LRRC4C: variants seen among roughly 807,000 people sequenced by gnomAD.
LRRC4C encodes leucine rich repeat containing 4C.
A neutral mutation model predicts 33.6 loss-of-function variants in LRRC4C; 5 were observed. The observed-to-expected ratio is 0.15, with a 90% CI of 0.08 to 0.31. The LOEUF (loss-of-function observed/expected upper bound fraction) is 0.31. Ranked by LOEUF, LRRC4C falls within the 10% of genes least tolerant of loss-of-function variation. The probability of loss-of-function intolerance (pLI) is 1.00; values close to 1 mark genes in which losing one functional copy is unlikely to be tolerated. For synonymous variants in LRRC4C, 329 were observed against 302.0 expected, an observed-to-expected ratio of 1.09 and a Z score of -0.93; for missense variants, 560 against 796.7, an observed-to-expected ratio of 0.70 and a Z score of 3.58.
At chr11:40,950,963 C>A (rs1172714576) in intron 1 of LRRC4C, among the ~76,000 whole-genome samples, 1 of 151,400 alleles carries the variant, frequency 6.6e-6, no homozygotes, top group African/African-American at 2.4e-5. Context: ...TTTTTAAAGG[C>A]TTTGTGATAT....
At chr11:40,553,674 T>G (rs1957217746) in intron 3 of LRRC4C, among the ~76,000 whole-genome samples, 2 of 152,218 alleles carry the variant, frequency 1.3e-5, no homozygotes, top group Non-Finnish European at 2.9e-5. Context: ...ATCTGATGAT[T>G]AGTGATGTTG....
intron 1 of LRRC4C, among the ~76,000 whole-genome samples, chr11:41,094,297 G>A (rs1940653689): frequency 6.6e-6 from 1 of 151,924 alleles, no homozygotes; most frequent in African/African-American, 2.4e-5. Flanking sequence ...TGGCCAAGAC[G>A]GGCGGATCAC....
At chr11:41,048,221 G>GGAAATATCT (rs1461325018) in intron 1 of LRRC4C, among the ~76,000 whole-genome samples, 1 of 150,412 alleles carries the variant, frequency 6.6e-6, no homozygotes, top group Non-Finnish European at 1.5e-5. Flanking sequence ...GTGTAAAAGA[G>GGAAATATCT]GAAATATCTG....
chr11:40,310,752 G>A (rs563566791), intron 4 of LRRC4C, among the ~76,000 whole-genome samples: 1 of 151,524 alleles, frequency 6.6e-6, no homozygotes, highest in Non-Finnish European at 1.5e-5. Flanking sequence ...AATGCTGACT[G>A]TATGCTGGTT....
intron 3 of LRRC4C, among the ~76,000 whole-genome samples, chr11:40,516,932 G>A (rs1434962709): frequency 1.3e-5 from 2 of 152,124 alleles, no homozygotes; most frequent in Non-Finnish European, 2.9e-5. Context: ...ACTGCACAGA[G>A]CATTGTACAG....
intron 5 of LRRC4C, among the ~76,000 whole-genome samples, chr11:40,230,926 G>A (rs973373127): frequency 1.3e-5 from 2 of 152,182 alleles, no homozygotes; most frequent in Non-Finnish European, 2.9e-5. Context: ...AGGCCACTGT[G>A]TTGCACAGTG....
chr11:40,317,812 A>G (rs945830900), intron 4 of LRRC4C, among the ~76,000 whole-genome samples: 3 of 152,094 alleles, frequency 2.0e-5, no homozygotes, highest in African/African-American at 7.2e-5. Flanking sequence ...AAGTATTCCC[A>G]TTCCATTCTT....
intron 2 of LRRC4C, among the ~76,000 whole-genome samples, chr11:40,753,052 AATTTT>A (rs965589720): frequency 1.3e-4 from 19 of 151,994 alleles, no homozygotes; most frequent in Non-Finnish European, 2.4e-4. Context: ...TCTCATTCTT[AATTTT>A]ATTTTATTTT....
At chr11:40,927,877 A>C (rs1309478421) in intron 2 of LRRC4C, among the ~76,000 whole-genome samples, 1 of 152,202 alleles carries the variant, frequency 6.6e-6, no homozygotes, top group Non-Finnish European at 1.5e-5. Flanking sequence ...AGAGGTATGT[A>C]TATCAGACTA....
At chr11:40,345,348 G>C (rs943339851) in intron 3 of LRRC4C, among the ~76,000 whole-genome samples, 1 of 152,044 alleles carries the variant, frequency 6.6e-6, no homozygotes, top group African/African-American at 2.4e-5. Flanking sequence ...TACAAAAACA[G>C]TTACATAGAC....
At chr11:40,984,963 G>A (rs1045581039) in intron 1 of LRRC4C, among the ~76,000 whole-genome samples, 2 of 130,392 alleles carry the variant, frequency 1.5e-5, no homozygotes, top group East Asian at 2.3e-4. Context: ...GTGCAGTGGT[G>A]CGATCTCGGC....
intron 1 of LRRC4C, among the ~76,000 whole-genome samples, chr11:41,306,740 T>C (rs190535896): frequency 1.5e-3 from 227 of 152,290 alleles, no homozygotes; most frequent in African/African-American, 5.2e-3. Flanking sequence ...TTGAACAAAG[T>C]TACTTAAGAA....
At chr11:40,212,229 AGTT>A (rs1271286203) in intron 5 of LRRC4C, among the ~76,000 whole-genome samples, 2 of 152,136 alleles carry the variant, frequency 1.3e-5, no homozygotes, top group Non-Finnish European at 2.9e-5. Context: ...TTCTTGTTGC[AGTT>A]GTTGATATAT....
At chr11:41,124,258 C>T (rs1942624852) in intron 1 of LRRC4C, among the ~76,000 whole-genome samples, 1 of 152,138 alleles carries the variant, frequency 6.6e-6, no homozygotes, top group South Asian at 2.1e-4. Flanking sequence ...GAAACTGAGG[C>T]ATCAGGCATA....
intron 1 of LRRC4C, among the ~76,000 whole-genome samples, chr11:41,453,515 G>A (rs1411529050): frequency 6.6e-6 from 1 of 152,040 alleles, no homozygotes; most frequent in African/African-American, 2.4e-5. Context: ...GAAGCATTGG[G>A]TTCACATCCT....
intron 3 of LRRC4C, among the ~76,000 whole-genome samples, chr11:40,577,449 G>A (rs1013431818): frequency 1.1e-4 from 16 of 152,178 alleles, no homozygotes; most frequent in African/African-American, 3.9e-4. Context: ...TATAAACCAG[G>A]ACTTTCTCAG....
intron 1 of LRRC4C, among the ~76,000 whole-genome samples, chr11:41,400,520 C>T (rs1205389419): frequency 6.6e-6 from 1 of 151,748 alleles, no homozygotes; most frequent in Non-Finnish European, 1.5e-5. Context: ...GGGAATTCTA[C>T]AACTATCATG....
chr11:41,382,709 G>A (rs1005111531), intron 1 of LRRC4C, among the ~76,000 whole-genome samples: 3 of 151,980 alleles, frequency 2.0e-5, no homozygotes, highest in African/African-American at 7.2e-5. Flanking sequence ...TTAGTGTTAT[G>A]GACTCATAAA....
intron 4 of LRRC4C, among the ~76,000 whole-genome samples, chr11:40,273,346 A>AT (rs1324777692): frequency 1.3e-5 from 2 of 152,126 alleles, no homozygotes; most frequent in Non-Finnish European, 2.9e-5. Flanking sequence ...CAGTGGGAAG[A>AT]TAAGGTCAGT....
Sources: gnomAD v4.1 joint callset for allele counts (sites outside exome capture counted in the v4.1 genomes callset) on GRCh38, gnomAD v4.1.1 for gene constraint, MANE v1.5 for transcripts, NCBI Gene and HGNC (gene_info 2026-07-23, HGNC 2026-07-21) for gene names.